Variants in SLC9D1 observed in about 807,000 individuals in gnomAD.
The protein encoded by SLC9D1 is solute carrier family 9 member D1, also known as putative LAG1-interacting protein.
chr13:113,500,919 G>A, the SLC9D1 span, among the ~76,000 whole-genome samples: 1 of 152,208 alleles, frequency 6.6e-6, no homozygotes, highest in Admixed American at 6.5e-5. Flanking sequence ...TGCCCTCCAA[G>A]AAGGGGTGGA....
chr13:113,508,793 C>T, the SLC9D1 span, among the ~76,000 whole-genome samples: 1 of 152,206 alleles, frequency 6.6e-6, no homozygotes, highest in Non-Finnish European at 1.5e-5. Context: ...CGTGTCTGCT[C>T]ATTTCCCTGA....
chr13:113,539,652 C>G, the SLC9D1 span: 2 of 874,590 alleles, frequency 2.3e-6, no homozygotes, highest in African/African-American at 3.4e-5. The surrounding 1 kb of genome is among the most constrained non-coding windows in gnomAD (Gnocchi z 4.8). Context: ...ATTTGGATTG[C>G]TAGTAGCCAG....
At chr13:113,496,044 G>C in the SLC9D1 span, 144 of 1,514,236 alleles carry the variant, frequency 9.5e-5, no homozygotes, top group African/African-American at 1.8e-3. Flanking sequence ...TAGAGAGGGA[G>C]AGAGAGAGAG....
At chr13:113,545,770 A>T in the SLC9D1 span, 1 of 152,840 alleles carries the variant, frequency 6.5e-6, no homozygotes, top group Non-Finnish European at 1.5e-5. Flanking sequence ...ACAGCTGTCC[A>T]GCTCAGCTGA....
the SLC9D1 span, chr13:113,501,678 G>T: frequency 8.2e-7 from 1 of 1,224,228 alleles, no homozygotes; most frequent in Non-Finnish European, 1.2e-6. Flanking sequence ...GTCCTGTTCT[G>T]TGCCTCAGCC....
At chr13:113,513,974 C>T in the SLC9D1 span, among the ~76,000 whole-genome samples, 352 of 152,124 alleles carry the variant, frequency 2.3e-3, 1 homozygote, top group Non-Finnish European at 4.2e-3. Context: ...ACAGCCCAGA[C>T]GCTGCAGAGA....
chr13:113,548,492 C>G, the SLC9D1 span: 1 of 1,573,218 alleles, frequency 6.4e-7, no homozygotes, highest in Non-Finnish European at 8.6e-7. Flanking sequence ...TCGGGCGGCA[C>G]GGGCTGCACT....
At chr13:113,549,891 A>G in the SLC9D1 span, 1 of 523,032 alleles carries the variant, frequency 1.9e-6, no homozygotes, top group African/African-American at 2.0e-5. Flanking sequence ...GTAAAGAAGC[A>G]AAATTAAAAG....
At chr13:113,534,504 G>A in the SLC9D1 span, 5 of 490,424 alleles carry the variant, frequency 1.0e-5, no homozygotes, top group African/African-American at 2.0e-5. Context: ...AAACAAATCC[G>A]TGGGCCGGGT....
At chr13:113,529,460 C>T in the SLC9D1 span, 2 of 152,158 alleles carry the variant, frequency 1.3e-5, no homozygotes, top group African/African-American at 2.4e-5. Flanking sequence ...ACCATCCTGG[C>T]TAACACGGTG....
the SLC9D1 span, among the ~76,000 whole-genome samples, chr13:113,499,060 G>C: frequency 1.3e-5 from 2 of 152,160 alleles, no homozygotes; most frequent in African/African-American, 4.8e-5. Flanking sequence ...TCTGGGAAAG[G>C]GGTGGCGGTT....
At chr13:113,495,846 A>T in the SLC9D1 span, 1 of 1,614,190 alleles carries the variant, frequency 6.2e-7, no homozygotes, top group African/African-American at 1.3e-5. Context: ...GGATGAAGAG[A>T]AACTGTTTCA....
At chr13:113,539,623 G>A in the SLC9D1 span, 13 of 1,143,718 alleles carry the variant, frequency 1.1e-5, no homozygotes, top group South Asian at 1.4e-4. The surrounding 1 kb of genome is among the most constrained non-coding windows in gnomAD (Gnocchi z 4.8). Context: ...TAAAAATTAA[G>A]TGTATTCAGC....
chr13:113,513,235 CAT>C, the SLC9D1 span, among the ~76,000 whole-genome samples: 1 of 152,152 alleles, frequency 6.6e-6, no homozygotes, highest in Non-Finnish European at 1.5e-5. Flanking sequence ...GGAGACAAGT[CAT>C]GTGTGCCCAG....
At chr13:113,493,571 C>T in the SLC9D1 span, among the ~76,000 whole-genome samples, 6 of 145,086 alleles carry the variant, frequency 4.1e-5, no homozygotes. Flanking sequence ...AAGTTGTACA[C>T]GTGTACTTAA....
chr13:113,531,213 G>A, the SLC9D1 span, among the ~76,000 whole-genome samples: 3 of 152,236 alleles, frequency 2.0e-5, no homozygotes, highest in Admixed American at 1.3e-4. Flanking sequence ...AGCAAATGAT[G>A]GTGCGTCCCG....
chr13:113,546,431 A>G, the SLC9D1 span, among the ~76,000 whole-genome samples: 3 of 151,980 alleles, frequency 2.0e-5, no homozygotes, highest in Admixed American at 2.0e-4. This position sits in a 1 kb window ranked among gnomAD's most constrained non-coding sequence, Gnocchi z 7.1. Flanking sequence ...ACCCAGACCC[A>G]GGAGGAGGGG....
chr13:113,534,593 A>C, the SLC9D1 span: 3 of 314,648 alleles, frequency 9.5e-6, no homozygotes, highest in East Asian at 1.7e-4. Context: ...GTTTGGGAGC[A>C]GCCAGGACAA....
chr13:113,507,195 G>A, the SLC9D1 span, among the ~76,000 whole-genome samples: 6 of 152,220 alleles, frequency 3.9e-5, no homozygotes, highest in African/African-American at 9.6e-5. Flanking sequence ...TGCTGTCCCC[G>A]GAGGGAGCCG....
Sources: gnomAD v4.1 joint callset for allele counts (sites outside exome capture counted in the v4.1 genomes callset) on GRCh38, gnomAD v4.1.1 for gene constraint, Gnocchi (gnomAD v3.1) non-coding constraint, MANE v1.5 for transcripts, NCBI Gene and HGNC (gene_info 2026-07-23, HGNC 2026-07-21) for gene names.